Variants in STON2 observed in about 807,000 individuals in gnomAD.
STON2 encodes the protein stonin 2.
Under a neutral mutation model 65.7 loss-of-function variants are expected in STON2, and 29 were observed. That is an observed-to-expected ratio of 0.44 (90% confidence interval 0.33 to 0.60). The LOEUF (loss-of-function observed/expected upper bound fraction) is 0.60. STON2 is among the 20% of genes least tolerant of loss of function. STON2 has a pLI of 0.03. For missense variants in STON2, 1,054 were observed against 1,118.1 expected (o/e 0.94, Z 0.82); for synonymous variants, 404 against 414.2 (o/e 0.98, Z 0.30).
At chr14:81,273,571 A>AG (rs1381956209) in intron 6 of STON2, among the ~76,000 whole-genome samples, 1 of 152,120 alleles carries the variant, frequency 6.6e-6, no homozygotes, top group African/African-American at 2.4e-5. Context: ...TGAAGGTAGG[A>AG]GGGGTCCTTG....
chr14:81,393,102 T>C (rs1254038625), intron 3 of STON2, among the ~76,000 whole-genome samples: 3 of 152,190 alleles, frequency 2.0e-5, no homozygotes, highest in African/African-American at 7.2e-5. Context: ...GCATTGTCAG[T>C]CACAAGATAA....
At chr14:81,271,469 T>G (rs1894589609) in intron 6 of STON2, among the ~76,000 whole-genome samples, 1 of 152,140 alleles carries the variant, frequency 6.6e-6, no homozygotes, top group African/African-American at 2.4e-5. Flanking sequence ...GACTTCCAGC[T>G]CCCCTGCTAA....
Position 81,263,655 on chromosome 14 carries a change from A to G in STON2, c.*4759T>C, listed in dbSNP as rs563083488. ...GTGACCCAAGACAATTCTTCTTCCT[A>G]TGTGGCCCAGGGAAGCCAAAAGATT... On this transcript the variant is annotated 3_prime_UTR_variant, in exon 8 of 8. Coordinates refer to ENST00000614646, the MANE Select transcript of STON2 (RefSeq NM_001394390.1). 2.4e-6 allele frequency: 2 copies of G among 831,974 alleles called. No individual in the cohort carries two copies. The highest frequency in any genetic ancestry group is 1.2e-4 in the East Asian group (1 of 8,006). The allele number at this position is 831,974 out of a possible 1,614,324, so 51.5% of individuals were successfully genotyped here. A position where few individuals can be genotyped will look rare whatever the true frequency, so the allele number is the denominator to read the frequency against.
intron 4 of STON2, among the ~76,000 whole-genome samples, chr14:81,347,346 C>A (rs1023351271): frequency 1.3e-5 from 2 of 151,970 alleles, no homozygotes; most frequent in Non-Finnish European, 2.9e-5. Flanking sequence ...AATTCCTGGA[C>A]ACACATAAAA....
At chr14:81,394,119 G>A (rs567385865) in intron 3 of STON2, among the ~76,000 whole-genome samples, 31 of 152,096 alleles carry the variant, frequency 2.0e-4, no homozygotes, top group African/African-American at 7.2e-4. Flanking sequence ...TGAACCTCAG[G>A]GGCAGAGGTT....
intron 4 of STON2, among the ~76,000 whole-genome samples, chr14:81,325,355 A>C (rs1463491723): frequency 6.6e-6 from 1 of 152,164 alleles, no homozygotes; most frequent in Non-Finnish European, 1.5e-5. Flanking sequence ...CAGGACCTAC[A>C]GTGTGCCACG....
chr14:81,385,744 G>A (rs1269375835), intron 3 of STON2, among the ~76,000 whole-genome samples: 1 of 152,078 alleles, frequency 6.6e-6, no homozygotes, highest in Non-Finnish European at 1.5e-5. Context: ...AATCCTAGGT[G>A]GGCACCTACT....
intron 4 of STON2, among the ~76,000 whole-genome samples, chr14:81,337,147 A>C (rs1022874428): frequency 2.0e-5 from 3 of 152,230 alleles, no homozygotes; most frequent in Non-Finnish European, 2.9e-5. Context: ...AAGTCAAGTC[A>C]CATGGACCCT....
chr14:81,344,094 G>T (rs1167531106), intron 4 of STON2, among the ~76,000 whole-genome samples: 1 of 152,006 alleles, frequency 6.6e-6, no homozygotes, highest in African/African-American at 2.4e-5. Flanking sequence ...CCTCCCCAAA[G>T]CAAACAAGCC....
At chr14:81,272,150 AG>A (rs1221782778) in intron 6 of STON2, among the ~76,000 whole-genome samples, 3 of 152,174 alleles carry the variant, frequency 2.0e-5, no homozygotes, top group Non-Finnish European at 4.4e-5. Context: ...TGAACCTGGG[AG>A]GCAGAGCTTG....
intron 3 of STON2, among the ~76,000 whole-genome samples, chr14:81,392,712 A>T (rs1429936594): frequency 3.3e-5 from 5 of 152,178 alleles, no homozygotes; most frequent in Non-Finnish European, 7.4e-5. Flanking sequence ...TTTTCAAGAC[A>T]ATTATTACAA....
intron 5 of STON2, among the ~76,000 whole-genome samples, chr14:81,317,147 G>T (rs915538834): frequency 6.6e-6 from 1 of 152,190 alleles, no homozygotes; most frequent in African/African-American, 2.4e-5. Flanking sequence ...GGAAGGTGAA[G>T]GGGGAGAAGG....
intron 4 of STON2, among the ~76,000 whole-genome samples, chr14:81,337,175 C>T (rs1897405328): frequency 6.6e-6 from 1 of 152,190 alleles, no homozygotes; most frequent in Non-Finnish European, 1.5e-5. Context: ...GTGCTCTTCA[C>T]TATTGACCTT....
At position 81,264,648 on chromosome 14, in the gene STON2, A is replaced by G; in HGVS notation, c.*3766T>C. On this transcript the variant is annotated 3_prime_UTR_variant, in exon 8 of 8. Coordinates refer to ENST00000614646, the MANE Select transcript of STON2 (RefSeq NM_001394390.1). ...CTGGATTTGAATAGAAATCAGTCTC[A>G]TTTCAAATAAAAAATATTTTAAATC... 1.0e-6 allele frequency: 1 copy of G among 984,974 alleles called. No individual in the cohort carries two copies. The allele number at this position is 984,974 out of a possible 1,614,324, so 61.0% of individuals were successfully genotyped here.
At chr14:81,392,308 C>T (rs1184557896) in intron 3 of STON2, among the ~76,000 whole-genome samples, 2 of 152,136 alleles carry the variant, frequency 1.3e-5, no homozygotes, top group African/African-American at 4.8e-5. Context: ...CCTGGCCCCT[C>T]CTCTTCCTGT....
chr14:81,396,746 A>T (rs1430119374), intron 2 of STON2, among the ~76,000 whole-genome samples: 2 of 127,942 alleles, frequency 1.6e-5, no homozygotes, highest in African/African-American at 6.2e-5. Flanking sequence ...AACAGCCTTC[A>T]AAAATTTTTT....
intron 3 of STON2, among the ~76,000 whole-genome samples, chr14:81,371,564 T>G (rs1473063971): frequency 6.6e-6 from 1 of 150,790 alleles, no homozygotes; most frequent in Non-Finnish European, 1.5e-5. Flanking sequence ...GCATGGTGGC[T>G]GGAGCCCGTA....
chr14:81,327,725 C>T (rs930373826), intron 4 of STON2, among the ~76,000 whole-genome samples: 2 of 152,098 alleles, frequency 1.3e-5, no homozygotes, highest in African/African-American at 2.4e-5. Context: ...TTTTTGGCCA[C>T]GACATGTTAT....
At chr14:81,380,634 A>G (rs1376298728) in intron 3 of STON2, among the ~76,000 whole-genome samples, 1 of 152,192 alleles carries the variant, frequency 6.6e-6, no homozygotes, top group Non-Finnish European at 1.5e-5. Context: ...ATGGAATACT[A>G]CGCAGCCATA....
Sources: allele counts gnomAD v4.1 joint callset (sites outside exome capture counted in the v4.1 genomes callset), GRCh38; gene constraint gnomAD v4.1.1; transcripts MANE v1.5; gene names NCBI Gene and HGNC (gene_info 2026-07-23, HGNC 2026-07-21).